The following LARGE1 variants were observed in gnomAD, a reference collection of about 807,000 sequenced individuals.
The protein encoded by LARGE1 is xylosyl- and glucuronyltransferase LARGE1.
A neutral mutation model predicts 87.6 loss-of-function variants in LARGE1; 43 were observed. The ratio of observed to expected loss-of-function variants is 0.49; its 90% CI spans 0.38 to 0.63. The LOEUF (loss-of-function observed/expected upper bound fraction) is 0.63, where lower values mean the gene tolerates loss of function less well. Ranked by LOEUF, LARGE1 falls within the 30% of genes least tolerant of loss-of-function variation. The pLI is 0.00. For synonymous variants in LARGE1, 434 were observed against 394.6 expected (o/e 1.10, Z -1.18); for missense variants, 802 against 1,000.2 (o/e 0.80, Z 2.67).
intron 2 of LARGE1, among the ~76,000 whole-genome samples, chr22:33,678,036 C>G (rs2081634804): frequency 6.6e-6 from 1 of 152,096 alleles, no homozygotes; most frequent in South Asian, 2.1e-4. Flanking sequence ...AACCAGCAGA[C>G]AGATCAGAGG....
In LARGE1 at chr22:33,860,337, G is replaced by T. The variant is rs528991171; in HGVS notation, c.-83+59658C>A. On this transcript the variant is annotated intron_variant, in intron 1 of 14. Coordinates refer to ENST00000397394, the MANE Select transcript of LARGE1 (RefSeq NM_133642.5). ...CGAGAAGCTGATACTTAACCCCAGG[G>T]CTTGAAATAAGACTTAAATAAAATA... Among the ~76,000 whole-genome samples, 64 of 152,192 alleles carry T rather than the reference G, an allele frequency of 4.2e-4. No individual in the cohort carries two copies. The South Asian group carries it at 0.013, about 30-fold the overall frequency.
chr22:33,337,018 G>A (rs190748194), intron 10 of LARGE1, among the ~76,000 whole-genome samples: 3 of 148,592 alleles, frequency 2.0e-5, no homozygotes, highest in African/African-American at 7.5e-5. Flanking sequence ...CCAAGATCAC[G>A]CCACTGCACT....
At chr22:33,812,926 A>C (rs1220278165) in intron 1 of LARGE1, among the ~76,000 whole-genome samples, 1 of 152,244 alleles carries the variant, frequency 6.6e-6, no homozygotes, top group Non-Finnish European at 1.5e-5. Flanking sequence ...AATAAAACAG[A>C]GATAATTAAT....
chr22:33,314,537 AT>A (rs1306182967), intron 11 of LARGE1, among the ~76,000 whole-genome samples: 1 of 152,184 alleles, frequency 6.6e-6, no homozygotes, highest in Non-Finnish European at 1.5e-5. Flanking sequence ...TTCATGACTA[AT>A]AACACCTGGT....
intron 9 of LARGE1, among the ~76,000 whole-genome samples, chr22:33,372,509 G>A (rs2064847835): frequency 6.6e-6 from 1 of 152,142 alleles, no homozygotes; most frequent in African/African-American, 2.4e-5. Context: ...AGTCTTACAT[G>A]GCAGCAGGCA....
chr22:33,775,851 T>TA (rs35496819), intron 1 of LARGE1, among the ~76,000 whole-genome samples: 10,885 of 122,290 alleles, frequency 0.089, 564 homozygotes, highest in Admixed American at 0.12. Context: ...GTCACTGTCT[T>TA]AAAAAAAAAA....
chr22:33,445,123 C>T (rs2067635680), intron 6 of LARGE1, among the ~76,000 whole-genome samples: 1 of 152,174 alleles, frequency 6.6e-6, no homozygotes, highest in African/African-American at 2.4e-5. Context: ...AGCCGCTGTG[C>T]CCCGCCACCT....
chr22:33,696,813 T>C (rs913078504), intron 2 of LARGE1, among the ~76,000 whole-genome samples: 2 of 152,198 alleles, frequency 1.3e-5, no homozygotes, highest in African/African-American at 4.8e-5. Flanking sequence ...CATCTCTTTG[T>C]ATAGCTTTTT....
rs985047504 is a variant in LARGE1, at chr22:33,616,824, G to A, written c.491+9420C>T. On this transcript the variant is annotated intron_variant, in intron 4 of 14. Coordinates refer to ENST00000397394, the MANE Select transcript of LARGE1 (RefSeq NM_133642.5). ...GTATGGGATGGGAAGAGGAGGAAAT[G>A]AGTAGTATTGGGGCTGGGGATTTCT... Among the ~76,000 whole-genome samples, 10 of 152,184 alleles carry A rather than the reference G, an allele frequency of 6.6e-5. No homozygotes were observed. In the South Asian group the frequency reaches 1.9e-3, roughly 28 times the overall value.
At chr22:33,741,280 T>C (rs239332) in intron 2 of LARGE1, among the ~76,000 whole-genome samples, 57,408 of 152,006 alleles carry the variant, frequency 0.38, 11,033 homozygotes, top group Admixed American at 0.51. Flanking sequence ...CAAGCTCCCT[T>C]GGGTAGGTTA....
chr22:33,154,459 C>T, the LARGE1 span, among the ~76,000 whole-genome samples: 7 of 152,090 alleles, frequency 4.6e-5, no homozygotes, highest in East Asian at 1.9e-4. Context: ...AGGCTGGTCT[C>T]GAACTCCTGA....
At chr22:33,395,382 T>C (rs1367288867) in intron 7 of LARGE1, among the ~76,000 whole-genome samples, 1 of 152,152 alleles carries the variant, frequency 6.6e-6, no homozygotes, top group Non-Finnish European at 1.5e-5. Context: ...CAGGACACTG[T>C]GTCAGCGCTA....
At chr22:33,185,911 T>C (rs1026215636) in intron 11 of LARGE1, among the ~76,000 whole-genome samples, 1 of 152,120 alleles carries the variant, frequency 6.6e-6, no homozygotes, top group Non-Finnish European at 1.5e-5. Context: ...TTATAAAGAA[T>C]TTATAAGTTT....
chr22:33,118,685 G>A, the LARGE1 span, among the ~76,000 whole-genome samples: 1 of 152,046 alleles, frequency 6.6e-6, no homozygotes, highest in Non-Finnish European at 1.5e-5. Context: ...TTGCACATGT[G>A]ACTCATAAGA....
chr22:33,688,257 A>C (rs1285238124), intron 2 of LARGE1, among the ~76,000 whole-genome samples: 2 of 152,192 alleles, frequency 1.3e-5, no homozygotes, highest in Non-Finnish European at 1.5e-5. Context: ...AACTTGCTGG[A>C]AACAGTGCTA....
At chr22:33,287,590 C>G (rs1931776830) in intron 12 of LARGE1, among the ~76,000 whole-genome samples, 1 of 152,168 alleles carries the variant, frequency 6.6e-6, no homozygotes, top group South Asian at 2.1e-4. Flanking sequence ...GTAACAGCAG[C>G]CTGGGTCTTT....
intron 2 of LARGE1, among the ~76,000 whole-genome samples, chr22:33,728,569 A>AC (rs2149469330): frequency 1.4e-5 from 2 of 147,684 alleles, no homozygotes; most frequent in Admixed American, 6.8e-5. Context: ...AAAAAAAAAA[A>AC]AAAAAAAAAA....
At chr22:33,785,143 A>G (rs1489060578) in intron 1 of LARGE1, among the ~76,000 whole-genome samples, 2 of 143,154 alleles carry the variant, frequency 1.4e-5, no homozygotes, top group Non-Finnish European at 3.0e-5. Context: ...GTATACATAC[A>G]TATGTGTATA....
At chr22:33,462,135 C>CAA (rs2148017895) in intron 6 of LARGE1, among the ~76,000 whole-genome samples, 1 of 152,022 alleles carries the variant, frequency 6.6e-6, no homozygotes, top group South Asian at 2.1e-4. Flanking sequence ...TAAAAATGAC[C>CAA]AGGTGTATTT....
Sources: gnomAD v4.1 joint callset for allele counts (sites outside exome capture counted in the v4.1 genomes callset) on GRCh38, gnomAD v4.1.1 for gene constraint, MANE v1.5 for transcripts, NCBI Gene and HGNC (gene_info 2026-07-23, HGNC 2026-07-21) for gene names.